RBFOX3: variants seen among roughly 807,000 people sequenced by gnomAD.
The protein encoded by RBFOX3 is RNA binding fox-1 homolog 3.
RBFOX3 carries 17 observed loss-of-function variants against 48.7 expected under a neutral mutation model. The ratio of observed to expected loss-of-function variants is 0.35; its 90% CI spans 0.24 to 0.52. The LOEUF is 0.52. Among genes scored for constraint, RBFOX3 ranks in the 20% least tolerant of loss-of-function variants. The pLI is 0.94. For synonymous variants in RBFOX3, 212 were observed against 209.5 expected (o/e 1.01, Z -0.10); for missense variants, 382 against 497.5 (o/e 0.77, Z 2.21).
At chr17:79,486,682 A>G (rs2079653872) in intron 1 of RBFOX3, among the ~76,000 whole-genome samples, 1 of 152,174 alleles carries the variant, frequency 6.6e-6, no homozygotes, top group Non-Finnish European at 1.5e-5. Flanking sequence ...GCATCCCCAG[A>G]AGGCTGGCTA....
In RBFOX3 at chr17:79,485,715, G is replaced by A. The variant is rs1211465716; in HGVS notation, c.-319-3117C>T. 2.6e-5 allele frequency among the ~76,000 whole-genome samples: 4 copies of A among 152,150 alleles called. No homozygotes were observed. The East Asian group carries it at 5.8e-4, about 22-fold the overall frequency. On this transcript the variant is annotated intron_variant, in intron 1 of 14. Coordinates refer to ENST00000693108, the MANE Select transcript of RBFOX3 (RefSeq NM_001350451.2). ...CCGCCGGCTTAGAAGATGGAGACACGAGCGATCCACAGGCCGCCGAGTCCG... is the reference window on the plus strand; with the variant it reads ...CCGCCGGCTTAGAAGATGGAGACACAAGCGATCCACAGGCCGCCGAGTCCG...
At position 79,097,807 on chromosome 17, in the gene RBFOX3, A is replaced by G. The variant is rs951485079; in HGVS notation, c.569-62T>C. ...CCCGACCCTTTTCCCACCAAAACGT[A>G]TGCCTGGGAACCCCAGCGACACCGG... On this transcript the variant is annotated intron_variant, in intron 9 of 14. Transcript: ENST00000693108. 6 of 1,505,190 alleles carry G rather than the reference A, an allele frequency of 4.0e-6. No individual in the cohort carries two copies. The Admixed American group carries it at 7.9e-5, about 20-fold the overall frequency. The allele number at this position is 1,505,190 out of a possible 1,614,324, so 93.2% of individuals were successfully genotyped here.
intron 2 of RBFOX3, among the ~76,000 whole-genome samples, chr17:79,344,540 A>ATTATTTATTTGT (rs2082586054): frequency 6.8e-6 from 1 of 147,324 alleles, no homozygotes; most frequent in Non-Finnish European, 1.5e-5. Flanking sequence ...ACTTTGTTTG[A>ATTATTTATTTGT]TTATTTATTT....
intron 1 of RBFOX3, among the ~76,000 whole-genome samples, chr17:79,489,200 G>C (rs1218266118): frequency 7.1e-6 from 1 of 140,032 alleles, no homozygotes; most frequent in Admixed American, 7.4e-5. Flanking sequence ...TTTTATTGCA[G>C]AGAGCGGAAC....
At chr17:79,641,376 AG>A in the RBFOX3 span, among the ~76,000 whole-genome samples, 1 of 152,232 alleles carries the variant, frequency 6.6e-6, no homozygotes, top group Non-Finnish European at 1.5e-5. Flanking sequence ...TACAGCCATT[AG>A]GGAAAACAGT....
chr17:79,191,367 C>T (rs983528891), intron 4 of RBFOX3, among the ~76,000 whole-genome samples: 10 of 152,222 alleles, frequency 6.6e-5, no homozygotes, highest in Non-Finnish European at 1.2e-4. Context: ...CCTGTAGCCC[C>T]AGCCCCAGCA....
intron 2 of RBFOX3, among the ~76,000 whole-genome samples, chr17:79,452,629 G>A (rs782499354): frequency 2.0e-5 from 3 of 152,196 alleles, no homozygotes; most frequent in Admixed American, 6.5e-5. Context: ...TGGGGTCACA[G>A]AGCGGAGAGG....
intron 1 of RBFOX3, among the ~76,000 whole-genome samples, chr17:79,608,187 G>A (rs989519749): frequency 2.0e-5 from 3 of 152,216 alleles, no homozygotes; most frequent in Non-Finnish European, 4.4e-5. Context: ...TCAGAGGCAG[G>A]GGCCGCCCAT....
intron 4 of RBFOX3, among the ~76,000 whole-genome samples, chr17:79,159,044 C>T (rs1026288853): frequency 3.3e-5 from 5 of 152,220 alleles, no homozygotes; most frequent in African/African-American, 9.6e-5. Flanking sequence ...CAGACAGAGA[C>T]ACCAAGGCCA....
At chr17:79,233,625 T>A (rs1002452216) in intron 4 of RBFOX3, 1 of 152,182 alleles carries the variant, frequency 6.6e-6, no homozygotes, top group African/African-American at 2.4e-5. Flanking sequence ...TTTTTTTTTT[T>A]TAGACGGAGT....
intron 1 of RBFOX3, among the ~76,000 whole-genome samples, chr17:79,554,013 C>A (rs972883073): frequency 6.6e-6 from 1 of 152,190 alleles, no homozygotes; most frequent in African/African-American, 2.4e-5. Context: ...GGATTACAGG[C>A]GTGAGCCACT....
chr17:79,373,304 C>T (rs2058801661), intron 2 of RBFOX3, among the ~76,000 whole-genome samples: 1 of 152,144 alleles, frequency 6.6e-6, no homozygotes, highest in Admixed American at 6.5e-5. Flanking sequence ...ACACCTCTCC[C>T]CACATTTCCA....
intron 4 of RBFOX3, among the ~76,000 whole-genome samples, chr17:79,181,797 G>C (rs188956115): frequency 6.6e-6 from 1 of 152,260 alleles, no homozygotes; most frequent in Non-Finnish European, 1.5e-5. Context: ...GTGCCCAGGG[G>C]CTAGCTGCCC....
intron 1 of RBFOX3, among the ~76,000 whole-genome samples, chr17:79,503,650 G>A (rs1409563759): frequency 1.3e-5 from 2 of 152,160 alleles, no homozygotes; most frequent in African/African-American, 2.4e-5. Flanking sequence ...ACTGCACGGT[G>A]CAGGTGAGGG....
At chr17:79,644,740 G>A in the RBFOX3 span, among the ~76,000 whole-genome samples, 24 of 152,148 alleles carry the variant, frequency 1.6e-4, no homozygotes, top group Non-Finnish European at 2.5e-4. Flanking sequence ...AAGCATCTCT[G>A]GGCGAAAGTA....
chr17:79,584,726 G>C (rs946214068), intron 1 of RBFOX3, among the ~76,000 whole-genome samples: 1 of 151,950 alleles, frequency 6.6e-6, no homozygotes, highest in Non-Finnish European at 1.5e-5. Flanking sequence ...CTATGAGGAC[G>C]CAAAGATTAA....
At chr17:79,100,064 C>T (rs1038726856) in intron 9 of RBFOX3, 1 of 152,290 alleles carries the variant, frequency 6.6e-6, no homozygotes, top group African/African-American at 2.4e-5. Flanking sequence ...CAAAGGTTCC[C>T]ACCTCCCTCC....
chr17:79,124,886 C>T (rs1441816571), intron 4 of RBFOX3, among the ~76,000 whole-genome samples: 2 of 151,610 alleles, frequency 1.3e-5, no homozygotes, highest in East Asian at 3.9e-4. Context: ...CGTCGGCTGG[C>T]TCTGTCCTGG....
intron 4 of RBFOX3, among the ~76,000 whole-genome samples, chr17:79,172,640 C>T (rs1031900213): frequency 2.6e-5 from 4 of 152,220 alleles, no homozygotes; most frequent in Non-Finnish European, 5.9e-5. Flanking sequence ...CCTAGAGTTG[C>T]TGTGTCCAAC....
Sources: allele counts gnomAD v4.1 joint callset (sites outside exome capture counted in the v4.1 genomes callset), GRCh38; gene constraint gnomAD v4.1.1; transcripts MANE v1.5; gene names NCBI Gene and HGNC (gene_info 2026-07-23, HGNC 2026-07-21).